EXOC6: variants seen among roughly 807,000 people sequenced by gnomAD.
EXOC6 encodes the protein exocyst complex component 6, also known as SEC15-like 1.
EXOC6 carries 60 observed loss-of-function variants against 112.5 expected under a neutral mutation model. That is an observed-to-expected ratio of 0.53 (90% CI 0.43 to 0.66). The LOEUF (loss-of-function observed/expected upper bound fraction) is 0.66, where lower values mean the gene tolerates loss of function less well. EXOC6 is among the 30% of genes least tolerant of loss of function. The pLI, the probability that EXOC6 is intolerant of heterozygous loss-of-function variation, is 0.00. For synonymous variants in EXOC6, 295 were observed against 308.0 expected, an observed-to-expected ratio of 0.96 and a Z score of 0.44; for missense variants, 855 against 957.1, an observed-to-expected ratio of 0.89 and a Z score of 1.41.
intron 1 of EXOC6, among the ~76,000 whole-genome samples, chr10:92,851,688 A>G (rs1847349755): frequency 6.6e-6 from 1 of 151,850 alleles, no homozygotes; most frequent in Non-Finnish European, 1.5e-5. Flanking sequence ...AAAAAACAAA[A>G]CCAACCAACT....
At chr10:92,901,816 G>A (rs544312814) in intron 5 of EXOC6, 154 of 143,862 alleles carry the variant, frequency 1.1e-3, no homozygotes, top group African/African-American at 3.9e-3. Context: ...TGGCCCGTAT[G>A]GTAAAACCCC....
intron 17 of EXOC6, among the ~76,000 whole-genome samples, chr10:92,968,616 C>T (rs1842161898): frequency 6.6e-6 from 1 of 152,058 alleles, no homozygotes; most frequent in Admixed American, 6.6e-5. Context: ...TTAATAGTCT[C>T]CATACAGTTC....
intron 5 of EXOC6, among the ~76,000 whole-genome samples, chr10:92,907,449 C>T (rs1311080744): frequency 6.6e-6 from 1 of 152,156 alleles, no homozygotes; most frequent in African/African-American, 2.4e-5. Flanking sequence ...GATGATGTCT[C>T]ATGGGAGCGC....
rs1844444090 is a variant in EXOC6 at position 93,015,181 on chromosome 10, A to C, written c.2169+914A>C. 2.6e-5 allele frequency among the ~76,000 whole-genome samples: 4 copies of C among 152,312 alleles called. No homozygotes were observed. In the South Asian group the frequency reaches 8.3e-4, roughly 32 times the overall value. ...CTTTAGGGGATAGAGATGAGGCTTC[A>C]TCATTGGTATGAACAGACTCTACCA... is the stretch of plus-strand genomic sequence containing the variant. On this transcript the variant is annotated intron_variant, in intron 20 of 21. Transcript: ENST00000260762.
At chr10:92,971,618 C>T (rs1842301054) in intron 17 of EXOC6, among the ~76,000 whole-genome samples, 1 of 150,048 alleles carries the variant, frequency 6.7e-6, no homozygotes, top group African/African-American at 2.5e-5. Flanking sequence ...TCAGATAATC[C>T]ACCCACCTGC....
At chr10:92,894,641 CA>C in intron 2 of EXOC6, among the ~76,000 whole-genome samples, 152 bp from the exon 3 acceptor site, 1 of 152,106 alleles carries the variant, frequency 6.6e-6, no homozygotes, top group Non-Finnish European at 1.5e-5. Flanking sequence ...CCTTTTCAAT[CA>C]AAAGTTCAAG....
intron 1 of EXOC6, among the ~76,000 whole-genome samples, chr10:92,840,854 C>T (rs573461188): frequency 6.6e-6 from 1 of 151,852 alleles, no homozygotes; most frequent in Non-Finnish European, 1.5e-5. Flanking sequence ...GACGAGGTTT[C>T]GCCATGTTGT....
chr10:92,881,355 A>G (rs1589755316), intron 1 of EXOC6, among the ~76,000 whole-genome samples: 1 of 152,362 alleles, frequency 6.6e-6, no homozygotes, highest in East Asian at 1.9e-4. Context: ...GATTAAAGGA[A>G]GGGAGTGTAG....
chr10:92,903,620 C>A (rs531895048), intron 5 of EXOC6, among the ~76,000 whole-genome samples: 1 of 151,648 alleles, frequency 6.6e-6, no homozygotes, highest in South Asian at 2.1e-4. Flanking sequence ...CTGTTCACAT[C>A]TTTTGCTTTT....
At chr10:93,050,370 G>A (rs60532977) in intron 20 of EXOC6, among the ~76,000 whole-genome samples, 2,136 of 152,184 alleles carry the variant, frequency 0.014, 41 homozygotes, top group African/African-American at 0.048. Context: ...GGGCAACATG[G>A]TGAAACCCCG....
At chr10:93,057,934 A>C (rs1284546711) in intron 21 of EXOC6, among the ~76,000 whole-genome samples, 1 of 152,144 alleles carries the variant, frequency 6.6e-6, no homozygotes, top group Non-Finnish European at 1.5e-5. Flanking sequence ...ATTTTAGCAT[A>C]CTTTGTGGAA....
intron 20 of EXOC6, among the ~76,000 whole-genome samples, chr10:93,051,295 C>T (rs780102826): frequency 6.6e-6 from 1 of 152,210 alleles, no homozygotes; most frequent in Non-Finnish European, 1.5e-5. Context: ...TTCCTTTAAG[C>T]AGCTTCTGCA....
chr10:93,048,012 T>A (rs911856623), intron 20 of EXOC6, among the ~76,000 whole-genome samples: 4 of 152,104 alleles, frequency 2.6e-5, no homozygotes, highest in African/African-American at 9.7e-5. Context: ...ATCCAGATTT[T>A]TGGTTTCAGT....
At chr10:92,835,717 T>C (rs78610272) in intron 1 of EXOC6, among the ~76,000 whole-genome samples, 2,162 of 152,318 alleles carry the variant, frequency 0.014, 49 homozygotes, top group African/African-American at 0.049. Context: ...TATTTTGCAT[T>C]AAACATAGTT....
At chr10:93,041,799 C>A (rs1286435406) in intron 20 of EXOC6, among the ~76,000 whole-genome samples, 10 of 152,104 alleles carry the variant, frequency 6.6e-5, no homozygotes, top group Non-Finnish European at 1.2e-4. Flanking sequence ...GCAACCTCCA[C>A]CTCCTGGGTT....
chr10:92,926,052 T>TTA (rs570257144), intron 8 of EXOC6, among the ~76,000 whole-genome samples: 2 of 139,776 alleles, frequency 1.4e-5, no homozygotes, highest in African/African-American at 2.7e-5. Context: ...GTGGACTTTT[T>TTA]AAAAAAAAAA....
chr10:92,831,039 C>T (rs556143503), upstream of EXOC6, among the ~76,000 whole-genome samples: 28 of 152,238 alleles, frequency 1.8e-4, no homozygotes, highest in African/African-American at 6.5e-4. Flanking sequence ...TTAATCTGTG[C>T]GAACTTCCGG....
intron 12 of EXOC6, 135 bp from the exon 13 acceptor site, chr10:92,940,592 T>C (rs1321115617): frequency 4.9e-6 from 3 of 613,694 alleles, no homozygotes; most frequent in Non-Finnish European, 8.4e-6. Flanking sequence ...AAATGTATCT[T>C]TTTTTTCTTA....
At chr10:92,837,136 A>ACACACACAC (rs1554878489) in intron 1 of EXOC6, among the ~76,000 whole-genome samples, 2 of 150,668 alleles carry the variant, frequency 1.3e-5, no homozygotes, top group Admixed American at 6.6e-5. Flanking sequence ...ACACACACAC[A>ACACACACAC]AGCCAGAACA....
Sources: allele counts gnomAD v4.1 joint callset (sites outside exome capture counted in the v4.1 genomes callset), GRCh38; gene constraint gnomAD v4.1.1; transcripts MANE v1.5; gene names NCBI Gene and HGNC (gene_info 2026-07-23, HGNC 2026-07-21).